FRMD5: variants seen among roughly 807,000 people sequenced by gnomAD.
FRMD5 encodes the protein FERM domain containing 5.
In FRMD5, 20 loss-of-function variants were observed where a neutral mutation model predicts 69.0. The ratio of observed to expected loss-of-function variants is 0.29; its 90% CI spans 0.20 to 0.42. FRMD5 has a LOEUF of 0.42. Among genes scored for constraint, FRMD5 ranks in the 10% least tolerant of loss-of-function variants. FRMD5 has a pLI of 1.00. For synonymous variants in FRMD5, 271 were observed against 260.1 expected (o/e 1.04, Z -0.40); for missense variants, 595 against 708.6 (o/e 0.84, Z 1.82).
intron 1 of FRMD5, among the ~76,000 whole-genome samples, chr15:44,053,101 G>C (rs192192888): frequency 5.9e-5 from 9 of 152,238 alleles, no homozygotes; most frequent in African/African-American, 2.2e-4. Context: ...CTTCCCAGAG[G>C]AAGCTAAAAT....
chr15:44,189,805 G>A (rs1036030135), intron 1 of FRMD5, among the ~76,000 whole-genome samples: 2 of 152,092 alleles, frequency 1.3e-5, no homozygotes, highest in African/African-American at 4.8e-5. Flanking sequence ...AGTCCAAAGA[G>A]TTTTATTGGT....
intron 1 of FRMD5, among the ~76,000 whole-genome samples, chr15:43,967,620 G>C (rs139244036): frequency 2.0e-5 from 3 of 152,194 alleles, no homozygotes; most frequent in African/African-American, 7.2e-5. Flanking sequence ...TTGAAACTGA[G>C]GTTTAAAGAC....
At chr15:44,149,727 T>C (rs1258942993) in intron 1 of FRMD5, among the ~76,000 whole-genome samples, 2 of 152,078 alleles carry the variant, frequency 1.3e-5, no homozygotes, top group Non-Finnish European at 1.5e-5. Context: ...ATGCACCTAA[T>C]AACAGACCAT....
At chr15:44,164,444 T>G (rs1338293515) in intron 1 of FRMD5, among the ~76,000 whole-genome samples, 1 of 152,072 alleles carries the variant, frequency 6.6e-6, no homozygotes, top group Non-Finnish European at 1.5e-5. Flanking sequence ...AGGGACCACA[T>G]AGAAGATAGA....
At chr15:44,034,445 G>A (rs139596366) in intron 1 of FRMD5, among the ~76,000 whole-genome samples, 3 of 152,262 alleles carry the variant, frequency 2.0e-5, no homozygotes, top group African/African-American at 4.8e-5. Flanking sequence ...TTGGGTTCAC[G>A]GACTTCTAAA....
At chr15:44,020,518 G>A (rs1400223145) in intron 1 of FRMD5, among the ~76,000 whole-genome samples, 1 of 152,194 alleles carries the variant, frequency 6.6e-6, no homozygotes, top group East Asian at 1.9e-4. Context: ...CTCCTCAAAT[G>A]TGGGTCACCA....
upstream of FRMD5, among the ~76,000 whole-genome samples, chr15:44,199,405 C>A (rs1002888856): frequency 1.3e-5 from 2 of 152,176 alleles, no homozygotes; most frequent in Non-Finnish European, 2.9e-5. Flanking sequence ...CCCCTGACTA[C>A]GTCTTAGGCA....
At chr15:44,017,465 T>C (rs1173974999) in intron 1 of FRMD5, among the ~76,000 whole-genome samples, 1 of 152,198 alleles carries the variant, frequency 6.6e-6, no homozygotes, top group African/African-American at 2.4e-5. Context: ...TATTTTTTAT[T>C]ATTGTGATTA....
chr15:43,893,698 T>G (rs938178906), intron 7 of FRMD5, among the ~76,000 whole-genome samples: 4 of 152,034 alleles, frequency 2.6e-5, no homozygotes, highest in Non-Finnish European at 1.5e-5. Flanking sequence ...GGCATGGGTG[T>G]GGGGGCTGAG....
chr15:44,022,499 C>T (rs527301366), intron 1 of FRMD5, among the ~76,000 whole-genome samples: 4 of 137,752 alleles, frequency 2.9e-5, no homozygotes, highest in South Asian at 2.5e-4. Flanking sequence ...ACTTGAACCT[C>T]GGAGGCAGAG....
intron 1 of FRMD5, among the ~76,000 whole-genome samples, chr15:44,160,409 A>C (rs1213416363): frequency 6.6e-6 from 1 of 152,212 alleles, no homozygotes; most frequent in African/African-American, 2.4e-5. Context: ...ACAGAACCTG[A>C]AAGGTGGGGA....
At position 43,925,378 on chromosome 15, in the gene FRMD5, T is replaced by C. The variant is rs4924726; in HGVS notation, c.103-1069A>G. Reference sequence around the variant, plus strand: ...ACATATACATCTCCTCTTTTAAAAATACATTTTGTAACATATTTTTAAGCT... The same window carrying C: ...ACATATACATCTCCTCTTTTAAAAACACATTTTGTAACATATTTTTAAGCT... On this transcript the variant is annotated intron_variant, in intron 1 of 13. Coordinates refer to ENST00000417257, the MANE Select transcript of FRMD5 (RefSeq NM_032892.5). Among the ~76,000 whole-genome samples, 394 of 152,330 alleles carry C rather than the reference T, an allele frequency of 2.6e-3. 1 individual carries two copies. Among genetic ancestry groups the C allele is most frequent in the Non-Finnish European group, 3.8e-3 (256 of 68,026 alleles).
intron 1 of FRMD5, among the ~76,000 whole-genome samples, chr15:44,026,610 G>A (rs1345442663): frequency 6.6e-6 from 1 of 152,102 alleles, no homozygotes; most frequent in African/African-American, 2.4e-5. Flanking sequence ...TCACAATAAA[G>A]TATCCGAAGT....
chr15:44,061,080 T>G (rs1893070295), intron 1 of FRMD5, among the ~76,000 whole-genome samples: 2 of 152,202 alleles, frequency 1.3e-5, no homozygotes, highest in Non-Finnish European at 2.9e-5. Flanking sequence ...CTCAGAAGAG[T>G]AAGGCAGTAC....
At chr15:44,139,115 T>G (rs2077228865) in intron 1 of FRMD5, among the ~76,000 whole-genome samples, 1 of 152,174 alleles carries the variant, frequency 6.6e-6, no homozygotes, top group Admixed American at 6.6e-5. Flanking sequence ...AATCGTATAG[T>G]ATGTGTATTG....
At position 44,181,630 on chromosome 15, in the gene FRMD5, G is replaced by A. The variant is rs149943517; in HGVS notation, c.102+13323C>T. Among the ~76,000 whole-genome samples the A allele has an allele frequency of 1.3e-3, 194 of 152,198 alleles. 2 individuals carry two copies. The highest frequency in any genetic ancestry group is 4.6e-3 in the African/African-American group (189 of 41,538). ...TTTAAAGTCATCATAAGCTGGGCACGGTGGCTCACACTTATAATCCCAGCA... is the reference window on the plus strand; with the variant it reads ...TTTAAAGTCATCATAAGCTGGGCACAGTGGCTCACACTTATAATCCCAGCA... On this transcript the variant is annotated intron_variant, in intron 1 of 13. Transcript: ENST00000417257.
chr15:44,189,082 C>G (rs1426572647), intron 1 of FRMD5, among the ~76,000 whole-genome samples: 1 of 152,122 alleles, frequency 6.6e-6, no homozygotes, highest in African/African-American at 2.4e-5. Context: ...GGAAGGATCT[C>G]TTTAGAGAAC....
chr15:44,194,527 A>T (rs1317463264), intron 1 of FRMD5: 6 of 276,968 alleles, frequency 2.2e-5, no homozygotes, highest in African/African-American at 1.4e-4. Context: ...CAAGAAAGAT[A>T]AGAAAAGCCA....
chr15:43,948,228 C>A (rs1158495980), intron 1 of FRMD5, among the ~76,000 whole-genome samples: 1 of 152,028 alleles, frequency 6.6e-6, no homozygotes, highest in African/African-American at 2.4e-5. Flanking sequence ...TGGCATTTTC[C>A]AAAATAACAA....
Sources: allele counts gnomAD v4.1 joint callset (sites outside exome capture counted in the v4.1 genomes callset), GRCh38; gene constraint gnomAD v4.1.1; transcripts MANE v1.5; gene names NCBI Gene and HGNC (gene_info 2026-07-23, HGNC 2026-07-21).